CECR2: variants seen among roughly 807,000 people sequenced by gnomAD.
CECR2 encodes CECR2 histone acetyl-lysine reader, also known as chromatin remodeling regulator CECR2.
A neutral mutation model predicts 154.5 loss-of-function variants in CECR2; 30 were observed. The ratio of observed to expected loss-of-function variants is 0.19; its 90% CI spans 0.15 to 0.26. The LOEUF (loss-of-function observed/expected upper bound fraction) is 0.26. Ranked by LOEUF, CECR2 falls within the 10% of genes least tolerant of loss-of-function variation. The probability of loss-of-function intolerance (pLI) is 1.00; values close to 1 mark genes in which losing one functional copy is unlikely to be tolerated. For missense variants in CECR2, 1,743 were observed against 1,829.3 expected (o/e 0.95, Z 0.86); for synonymous variants, 725 against 683.7 (o/e 1.06, Z -0.94).
chr22:17,378,889 C>A (rs572759064), intron 1 of CECR2, among the ~76,000 whole-genome samples: 1 of 152,198 alleles, frequency 6.6e-6, no homozygotes, highest in Non-Finnish European at 1.5e-5. Context: ...GTTAAAGTTG[C>A]TCCCAGATGT....
chr22:17,391,406 G>C (rs1338584759), intron 1 of CECR2, among the ~76,000 whole-genome samples: 4 of 152,220 alleles, frequency 2.6e-5, no homozygotes, highest in South Asian at 2.1e-4. Flanking sequence ...TACTAGTGAA[G>C]TAATTACAAC....
chr22:17,518,817 A>C (rs1255699954), intron 8 of CECR2: 2 of 317,342 alleles, frequency 6.3e-6, no homozygotes, highest in African/African-American at 2.2e-5. Context: ...CATTGGATAG[A>C]TCTCCTAAGG....
chr22:17,540,294 T>A (rs2056502003), intron 13 of CECR2, 118 bp from the exon 14 acceptor site: 1 of 940,152 alleles, frequency 1.1e-6, no homozygotes, highest in Non-Finnish European at 1.5e-6. Flanking sequence ...CATCTTCTAT[T>A]TATTAGAATT....
At chr22:17,405,966 C>T (rs954245109) in intron 1 of CECR2, among the ~76,000 whole-genome samples, 1 of 152,144 alleles carries the variant, frequency 6.6e-6, no homozygotes, top group African/African-American at 2.4e-5. Flanking sequence ...TTCCCCTTTT[C>T]CCTTTCTATT....
At chr22:17,396,453 G>C (rs750836529) in intron 1 of CECR2, among the ~76,000 whole-genome samples, 50 of 152,142 alleles carry the variant, frequency 3.3e-4, no homozygotes, top group Non-Finnish European at 6.2e-4. Flanking sequence ...GGCTGAGGCA[G>C]GGAGAATCGC....
At chr22:17,384,828 G>A (rs2063240116) in intron 1 of CECR2, among the ~76,000 whole-genome samples, 1 of 152,134 alleles carries the variant, frequency 6.6e-6, no homozygotes, top group African/African-American at 2.4e-5. Context: ...AGCTATTAAA[G>A]TCCTAGGTGG....
chr22:17,512,719 AAAAAAGAAAGAAAG>A (rs2055980992), intron 8 of CECR2, among the ~76,000 whole-genome samples: 1 of 148,856 alleles, frequency 6.7e-6, no homozygotes, highest in African/African-American at 2.6e-5. Context: ...AAAAAAAAAA[AAAAAAGAAAGAAAG>A]AAAAGAAAAC....
intron 9 of CECR2, among the ~76,000 whole-genome samples, chr22:17,527,536 G>A (rs965693181): frequency 4.6e-5 from 7 of 152,154 alleles, no homozygotes; most frequent in African/African-American, 1.7e-4. Context: ...GGAGGCCGAG[G>A]CGGGCAGATG....
chr22:17,369,338 A>T (rs1411659008), upstream of CECR2: 1 of 150,404 alleles, frequency 6.6e-6, no homozygotes, highest in African/African-American at 2.4e-5. Context: ...CTGGCGGTGC[A>T]GCTGTCCGGG....
intron 1 of CECR2, among the ~76,000 whole-genome samples, chr22:17,382,764 G>C (rs551307223): frequency 1.9e-4 from 29 of 152,150 alleles, no homozygotes; most frequent in Non-Finnish European, 3.1e-4. Context: ...AATCAGTTGG[G>C]TGTGGTGGTG....
intron 16 of CECR2, among the ~76,000 whole-genome samples, chr22:17,544,236 C>T (rs190585838): frequency 4.3e-4 from 66 of 151,752 alleles, no homozygotes; most frequent in Non-Finnish European, 9.0e-4. Flanking sequence ...CGGTGGCTGA[C>T]GCCTGTAATC....
chr22:17,556,022 TC>T lies in CECR2; in HGVS notation c.*3186del, dbSNP rs1390251519. 1 of 152,174 alleles carries T rather than the reference TC, an allele frequency of 6.6e-6. No individual in the cohort carries two copies. The highest frequency in any genetic ancestry group is 1.5e-5 in the Non-Finnish European group (1 of 68,034). 9.4% of individuals were successfully genotyped at this position (152,174 alleles called of 1,614,324 possible). A position where few individuals can be genotyped will look rare whatever the true frequency, so the allele number is the denominator to read the frequency against. On this transcript the variant is annotated 3_prime_UTR_variant, in exon 19 of 19. Coordinates refer to ENST00000262608, the MANE Select transcript of CECR2 (RefSeq NM_001290047.2). ...AATAGTTTTTAATTCAGCTACTTTT[TC>T]CCCTCAGTTAAAAGGTAGCAGGAGC...
rs759813249 is a variant in CECR2 at position 17,504,830 on chromosome 22, G to A, written c.701-17G>A. Reference sequence around the variant, plus strand: ...TCATGGGATCTCCTGTAGTGAATCCGTTCCTTTATTTTCTAGGGTCCCAAG... The same window carrying A: ...TCATGGGATCTCCTGTAGTGAATCCATTCCTTTATTTTCTAGGGTCCCAAG... On this transcript the variant is annotated splice_polypyrimidine_tract_variant and intron_variant, in intron 6 of 18. Transcript: ENST00000262608. 31 of 1,608,506 alleles carry A rather than the reference G, an allele frequency of 1.9e-5. No homozygotes were observed. Among genetic ancestry groups the A allele is most frequent in the African/African-American group, 2.7e-5 (2 of 74,604 alleles).
intron 9 of CECR2, among the ~76,000 whole-genome samples, chr22:17,536,588 A>G (rs2056440732): frequency 6.6e-6 from 1 of 152,176 alleles, no homozygotes; most frequent in African/African-American, 2.4e-5. Context: ...GGAGCAGACC[A>G]TTGCTTGCAT....
At chr22:17,439,883 C>T (rs541175088) in intron 1 of CECR2, among the ~76,000 whole-genome samples, 5 of 152,088 alleles carry the variant, frequency 3.3e-5, no homozygotes, top group African/African-American at 7.2e-5. Flanking sequence ...ACCTGCGTAC[C>T]GTGGAGTATT....
At chr22:17,469,600 T>C (rs564606552) in intron 1 of CECR2, among the ~76,000 whole-genome samples, 2 of 138,548 alleles carry the variant, frequency 1.4e-5, no homozygotes, top group Admixed American at 7.3e-5. Context: ...ATTGTTTTTT[T>C]TTTTTTTTTC....
chr22:17,544,088 A>G (rs1249197712), intron 16 of CECR2, among the ~76,000 whole-genome samples: 1 of 152,192 alleles, frequency 6.6e-6, no homozygotes, highest in Non-Finnish European at 1.5e-5. Context: ...GCCGGGCAGT[A>G]GTTTTGGTGG....
At chr22:17,515,703 T>A (rs1397628167) in intron 8 of CECR2, among the ~76,000 whole-genome samples, 1 of 148,700 alleles carries the variant, frequency 6.7e-6, no homozygotes, top group Non-Finnish European at 1.5e-5. Context: ...TGAGACGGAG[T>A]CTCGCTCTGT....
chr22:17,467,732 A>C (rs2055057192), intron 1 of CECR2, among the ~76,000 whole-genome samples: 1 of 152,136 alleles, frequency 6.6e-6, no homozygotes, highest in South Asian at 2.1e-4. Context: ...CAGTGAGCTG[A>C]GATCATGCCA....
Sources: gnomAD v4.1 joint callset for allele counts (sites outside exome capture counted in the v4.1 genomes callset) on GRCh38, gnomAD v4.1.1 for gene constraint, MANE v1.5 for transcripts, NCBI Gene and HGNC (gene_info 2026-07-23, HGNC 2026-07-21) for gene names.